Variants in DPF1 observed in about 807,000 individuals in gnomAD.
DPF1 encodes double PHD fingers 1, also known as zinc finger protein neuro-d4.
In DPF1, 14 loss-of-function variants were observed where a neutral mutation model predicts 58.7. That is an observed-to-expected ratio of 0.24 (90% CI 0.16 to 0.37). DPF1 has a LOEUF of 0.37. Ranked by LOEUF, DPF1 falls within the 10% of genes least tolerant of loss-of-function variation. The pLI is 1.00. For synonymous variants in DPF1, 216 were observed against 216.0 expected, an observed-to-expected ratio of 1.00 and a Z score of 0.00; for missense variants, 345 against 529.9, an observed-to-expected ratio of 0.65 and a Z score of 3.43.
At position 38,224,179 on chromosome 19, in the gene DPF1, C is replaced by T; in HGVS notation, c.-37G>A. The T allele has an allele frequency of 7.0e-7, 1 of 1,428,978 alleles. No individual in the cohort carries two copies. Among genetic ancestry groups the T allele is most frequent in the Non-Finnish European group, 9.2e-7 (1 of 1,092,484 alleles). 88.5% of individuals were successfully genotyped at this position (1,428,978 alleles called of 1,614,324 possible). A position where few individuals can be genotyped will look rare whatever the true frequency, so the allele number is the denominator to read the frequency against. ...GGTCCTGCCCCCAGCAGGTCCCCGC[C>T]GGGTCGGTCCTCCCAGCGGTCGGGC... On this transcript the variant is annotated 5_prime_UTR_variant, in exon 1 of 12. Coordinates refer to ENST00000355526, the MANE Select transcript of DPF1 (RefSeq NM_001135155.3). This position sits in a 1 kb window ranked among gnomAD's most constrained non-coding sequence, Gnocchi z 4.5.
At chr19:38,224,471 G>T (rs1967730390), upstream of DPF1, among the ~76,000 whole-genome samples, 1 of 152,092 alleles carries the variant, frequency 6.6e-6, no homozygotes, top group South Asian at 2.1e-4. The surrounding 1 kb of genome is among the most constrained non-coding windows in gnomAD (Gnocchi z 4.5). Context: ...GCCCACGCAT[G>T]GCAGTTTACA....
intron 3 of DPF1, among the ~76,000 whole-genome samples, chr19:38,221,374 C>G (rs1000548654): frequency 2.6e-5 from 4 of 151,810 alleles, no homozygotes; most frequent in African/African-American, 9.7e-5. Context: ...CCTGTCTCTA[C>G]TAAAAATACA....
rs1973509745 is a variant in DPF1, at chr19:38,212,355, G to A, written c.1018C>T (p.Leu340=). 1.4e-6 allele frequency: 2 copies of A among 1,472,746 alleles called. No individual in the cohort carries two copies. The highest frequency in any genetic ancestry group is 2.9e-5 in the African/African-American group (2 of 68,632). The allele number at this position is 1,472,746 out of a possible 1,614,324, so 91.2% of individuals were successfully genotyped here. A position where few individuals can be genotyped will look rare whatever the true frequency, so the allele number is the denominator to read the frequency against. Residue 340 remains leucine, a synonymous_variant, in exon 11 of 12, where the codon CTG becomes TTG. Coordinates refer to ENST00000355526, the MANE Select transcript of DPF1 (RefSeq NM_001135155.3). ...CGATCGCAGTCATCACAAAACAGCA[G>A]CTGGTCCTGGGGGGTGAGACCCGCC... ...LCGTSENDDQ[L]LFCDDCDRGY... is the part of the protein sequence containing the mutation.
Position 38,222,220 on chromosome 19 carries a change from C to T in DPF1, c.298+137G>A. ...GAAACTGTGGAATCTCTGGGAAACA[C>T]CCGGGACGCACATGGGCAGACAGAC... is the stretch of plus-strand genomic sequence containing the variant. On this transcript the variant is annotated intron_variant, in intron 3 of 11. Transcript: ENST00000355526. This position sits in a 1 kb window ranked among gnomAD's most constrained non-coding sequence, Gnocchi z 4.9. 1.3e-6 allele frequency: 1 copy of T among 740,742 alleles called. No homozygotes were observed. Among genetic ancestry groups the T allele is most frequent in the Non-Finnish European group, 2.2e-6 (1 of 462,912 alleles). 45.9% of individuals were successfully genotyped at this position (740,742 alleles called of 1,614,324 possible).
chr19:38,218,968 ATCT>A lies in DPF1; in HGVS notation c.386_388del (p.Lys129del), dbSNP rs753495424. 28 of 1,614,178 alleles carry A rather than the reference ATCT, an allele frequency of 1.7e-5. No individual in the cohort carries two copies. The highest frequency in any genetic ancestry group is 2.3e-5 in the Non-Finnish European group (27 of 1,180,018). The stretch of plus-strand genomic sequence containing the variant: ...AATGGTCTCCTCCTCCTTCAGCTCA[ATCT>A]TCTTCTCCCCCGTCTCTGCACACAG... On this transcript the variant is annotated inframe_deletion, in exon 4 of 12. Coordinates refer to ENST00000355526, the MANE Select transcript of DPF1 (RefSeq NM_001135155.3).
At position 38,216,111 on chromosome 19, in the gene DPF1, C is replaced by T. The variant is rs199776364; in HGVS notation, c.898+29G>A. 2.0e-4 allele frequency: 322 copies of T among 1,592,644 alleles called. No individual in the cohort carries two copies. The African/African-American group carries it at 3.8e-3, about 19-fold the overall frequency. ...CTCCTGAATGTCCTCTGCACCCGGC[C>T]CCCAGAAACCTCAGGTGGGGAGCAT... On this transcript the variant is annotated intron_variant, in intron 9 of 11. Transcript: ENST00000355526.
intron 5 of DPF1, among the ~76,000 whole-genome samples, chr19:38,218,155 T>C (rs1305258712): frequency 3.9e-5 from 6 of 152,216 alleles, no homozygotes; most frequent in Non-Finnish European, 5.9e-5. Context: ...TGAGCAGATA[T>C]TGCGCCACTG....
chr19:38,226,504 A>G (rs1353707066), upstream of DPF1, among the ~76,000 whole-genome samples: 3 of 60,030 alleles, frequency 5.0e-5, no homozygotes, highest in African/African-American at 1.7e-4. Flanking sequence ...GGTCACTTCT[A>G]CACACACACA....
At position 38,212,137 on chromosome 19, in the gene DPF1, C is replaced by T. The variant is rs2288906; in HGVS notation, c.1094-4G>A. The stretch of plus-strand genomic sequence containing the variant: ...CAGAGGTGACAGCTCCAGCTCCCTG[C>T]GGGGGCAGCCGAAGCTGAAGTCAGG... On this transcript the variant is annotated splice_region_variant and splice_polypyrimidine_tract_variant and intron_variant, in intron 11 of 11. Coordinates refer to ENST00000355526, the MANE Select transcript of DPF1 (RefSeq NM_001135155.3). 0.26 allele frequency: 423,359 copies of T among 1,605,512 alleles called. 57,068 individuals carry two copies. The highest frequency in any genetic ancestry group is 0.37 in the East Asian group (16,522 of 44,576).
At position 38,222,921 on chromosome 19, in the gene DPF1, A is replaced by G. The variant is rs578207024; in HGVS notation, c.30-213T>C. 1.2e-4 allele frequency: 70 copies of G among 578,642 alleles called. No individual in the cohort carries two copies. The highest frequency in any genetic ancestry group is 1.7e-4 in the Non-Finnish European group (60 of 346,538). The allele number at this position is 578,642 out of a possible 1,614,324, so 35.8% of individuals were successfully genotyped here. On this transcript the variant is annotated intron_variant, in intron 1 of 11. Coordinates refer to ENST00000355526, the MANE Select transcript of DPF1 (RefSeq NM_001135155.3). The surrounding 1 kb of genome is among the most constrained non-coding windows in gnomAD (Gnocchi z 4.9). Reference sequence around the variant, plus strand: ...CAAACTGGGACTCAAACAGGCCCCCAGCTCATGAGTAGAAACACGATACAG... The same window carrying G: ...CAAACTGGGACTCAAACAGGCCCCCGGCTCATGAGTAGAAACACGATACAG...
In DPF1 at chr19:38,224,091, CG is replaced by C; in HGVS notation, c.29+22del. On this transcript the variant is annotated intron_variant, in intron 1 of 11. Coordinates refer to ENST00000355526, the MANE Select transcript of DPF1 (RefSeq NM_001135155.3). This position sits in a 1 kb window ranked among gnomAD's most constrained non-coding sequence, Gnocchi z 4.5. ...CGTAGACCCGCCCGCGCTTCCTCTC[CG>C]CCTCCCGCCGGCCCGCACCACCTCA... 6.7e-7 allele frequency: 1 copy of C among 1,500,378 alleles called. No individual in the cohort carries two copies. 92.9% of individuals were successfully genotyped at this position (1,500,378 alleles called of 1,614,324 possible).
In DPF1 at chr19:38,218,909, G is replaced by T; in HGVS notation, c.426+22C>A. 1.9e-6 allele frequency: 3 copies of T among 1,613,392 alleles called. No homozygotes were observed. The East Asian group carries it at 6.7e-5, about 36-fold the overall frequency. On this transcript the variant is annotated intron_variant, in intron 4 of 11. Coordinates refer to ENST00000355526, the MANE Select transcript of DPF1 (RefSeq NM_001135155.3). ...GGGTGAGACGAAGCCATGCAGCGGGGGTCCCCCAGAGGTGGGCCCACCTGA... is the reference window on the plus strand; with the variant it reads ...GGGTGAGACGAAGCCATGCAGCGGGTGTCCCCCAGAGGTGGGCCCACCTGA...
chr19:38,217,333 G>A (rs1025554927), intron 7 of DPF1, 127 bp downstream of exon 7: 3 of 1,313,330 alleles, frequency 2.3e-6, no homozygotes, highest in Non-Finnish European at 2.1e-6. Context: ...TGGTCGGTGG[G>A]GGGAGGGAAC....
chr19:38,219,254 C>T (rs1022994258), intron 3 of DPF1, 196 bp from the exon 4 acceptor site: 8 of 703,716 alleles, frequency 1.1e-5, no homozygotes, highest in Middle Eastern at 4.1e-4. Context: ...GGATGCACAG[C>T]AGGAGACACG....
intron 3 of DPF1, among the ~76,000 whole-genome samples, chr19:38,221,138 G>T (rs975942973): frequency 5.9e-5 from 9 of 152,106 alleles, no homozygotes; most frequent in African/African-American, 1.9e-4. Flanking sequence ...GGAGACACCT[G>T]GGAAGATACA....
chr19:38,212,237 T>TGGGGGGGGGGGGGGGGGGGGGGGGGGGG, intron 11 of DPF1, 43 bp downstream of exon 11: 1 of 1,256,810 alleles, frequency 8.0e-7, no homozygotes, highest in East Asian at 2.6e-5. Context: ...GGAGATGGCG[T>TGGGGGGGGGGGGGGGGGGGGGGGGGGGG]TCCCACCCAC....
At chr19:38,224,228 T>C, upstream of DPF1, 1 of 1,291,124 alleles carries the variant, frequency 7.7e-7, no homozygotes. This position sits in a 1 kb window ranked among gnomAD's most constrained non-coding sequence, Gnocchi z 4.5. Flanking sequence ...GCCCATCCAT[T>C]CATTCCCGGG....
chr19:38,217,745 G>A (rs896367228), intron 6 of DPF1, 53 bp downstream of exon 6: 8 of 1,609,980 alleles, frequency 5.0e-6, no homozygotes, highest in Non-Finnish European at 6.8e-6. Context: ...CACGAGGTGG[G>A]GAGTCTCTGG....
rs1045501137 is a variant in DPF1 at position 38,224,011 on chromosome 19, GC to G, written c.29+102del. 5 of 1,346,074 alleles carry G rather than the reference GC, an allele frequency of 3.7e-6. No homozygotes were observed. Among genetic ancestry groups the G allele is most frequent in the Non-Finnish European group, 4.8e-6 (5 of 1,045,524 alleles). The allele number at this position is 1,346,074 out of a possible 1,614,324, so 83.4% of individuals were successfully genotyped here. A position where few individuals can be genotyped will look rare whatever the true frequency, so the allele number is the denominator to read the frequency against. The stretch of plus-strand genomic sequence containing the variant: ...CCGCGCAGCCCCGCACTCGGTGACA[GC>G]CCCCCAGACACCCCTTCGGCCCCAC... On this transcript the variant is annotated intron_variant, in intron 1 of 11. Transcript: ENST00000355526. The surrounding 1 kb of genome is among the most constrained non-coding windows in gnomAD (Gnocchi z 4.5).
Sources: gnomAD v4.1 joint callset for allele counts (sites outside exome capture counted in the v4.1 genomes callset) on GRCh38, gnomAD v4.1.1 for gene constraint, Gnocchi (gnomAD v3.1) non-coding constraint, MANE v1.5 for transcripts, NCBI Gene and HGNC (gene_info 2026-07-23, HGNC 2026-07-21) for gene names.